The following MCMDC2 variants were observed in gnomAD, a reference collection of about 807,000 sequenced individuals.
The protein encoded by MCMDC2 is minichromosome maintenance domain containing 2.
A neutral mutation model predicts 75.8 loss-of-function variants in MCMDC2; 54 were observed. The observed-to-expected ratio is 0.71, with a 90% CI of 0.57 to 0.89. MCMDC2 has a LOEUF of 0.89. Among genes scored for constraint, MCMDC2 ranks in the 40% least tolerant of loss-of-function variants. The probability of loss-of-function intolerance (pLI) is 0.00; values close to 1 mark genes in which losing one functional copy is unlikely to be tolerated. For missense variants in MCMDC2, 656 were observed against 780.4 expected (o/e 0.84, Z 1.90); for synonymous variants, 249 against 274.6 (o/e 0.91, Z 0.92).
chr8:66,908,038 T>C (rs1223301084), intron 14 of MCMDC2, among the ~76,000 whole-genome samples: 1 of 152,222 alleles, frequency 6.6e-6, no homozygotes, highest in East Asian at 1.9e-4. Context: ...ACTCTGATGA[T>C]AGTTTCTTTT....
chr8:66,881,633 G>A (rs1811567097), intron 8 of MCMDC2, among the ~76,000 whole-genome samples: 1 of 152,042 alleles, frequency 6.6e-6, no homozygotes, highest in East Asian at 1.9e-4. Context: ...TTGCAGTGAG[G>A]CAATATTGTA....
chr8:66,908,458 G>T (rs1211429853), intron 14 of MCMDC2, among the ~76,000 whole-genome samples: 2 of 152,110 alleles, frequency 1.3e-5, no homozygotes, highest in Non-Finnish European at 2.9e-5. Context: ...TTTATGTGCT[G>T]TAAAGAAAAA....
intron 1 of MCMDC2, among the ~76,000 whole-genome samples, chr8:66,873,343 A>G (rs1487731443): frequency 6.6e-6 from 1 of 152,228 alleles, no homozygotes; most frequent in Admixed American, 6.5e-5. Context: ...CAACCAGGAA[A>G]TGCTGGGTCT....
intron 14 of MCMDC2, among the ~76,000 whole-genome samples, chr8:66,918,209 C>CG (rs1813392204): frequency 6.6e-6 from 1 of 152,120 alleles, no homozygotes; most frequent in East Asian, 1.9e-4. Context: ...TTTAGAGAAA[C>CG]GATATTAGTT....
intron 12 of MCMDC2, among the ~76,000 whole-genome samples, chr8:66,898,082 A>G (rs935354982): frequency 6.6e-6 from 1 of 152,090 alleles, no homozygotes; most frequent in African/African-American, 2.4e-5. Flanking sequence ...TTATAATATA[A>G]TAAGGTTTTG....
chr8:66,896,046 A>T, intron 10 of MCMDC2, 124 bp from the exon 11 acceptor site: 1 of 818,528 alleles, frequency 1.2e-6, no homozygotes, highest in Non-Finnish European at 1.8e-6. Context: ...AAACAGTCAA[A>T]TTTACTTTCT....
intron 4 of MCMDC2, among the ~76,000 whole-genome samples, chr8:66,877,029 G>A (rs922102868): frequency 1.3e-5 from 2 of 152,034 alleles, no homozygotes; most frequent in African/African-American, 4.8e-5. Context: ...CAAAGTGCTG[G>A]GATTACAGGG....
At chr8:66,914,684 A>T (rs1388474055) in intron 14 of MCMDC2, among the ~76,000 whole-genome samples, 2 of 152,210 alleles carry the variant, frequency 1.3e-5, no homozygotes, top group Non-Finnish European at 2.9e-5. Flanking sequence ...CCATGTTTGG[A>T]GTTGATATGG....
In MCMDC2 at chr8:66,896,845, A is replaced by G. The variant is rs1425795551; in HGVS notation, c.1512A>G (p.Ser504=). 1 of 1,613,298 alleles carries G rather than the reference A, an allele frequency of 6.2e-7. No individual in the cohort carries two copies. The highest frequency in any genetic ancestry group is 8.5e-7 in the Non-Finnish European group (1 of 1,179,688). The change falls in exon 12 of 15, where the codon TCA becomes TCG. Residue 504 remains serine (S), a synonymous_variant. Transcript: ENST00000422365. ...AFGLLINCNE[S]SPCHPFLPTV... Reference sequence around the variant, plus strand: ...GTTTATTGATTAACTGCAACGAGTCATCTCCCTGCCACCCATTTCTTCCTA... The same window carrying G: ...GTTTATTGATTAACTGCAACGAGTCGTCTCCCTGCCACCCATTTCTTCCTA...
chr8:66,911,590 G>C (rs923481539), intron 14 of MCMDC2, among the ~76,000 whole-genome samples: 2 of 150,824 alleles, frequency 1.3e-5, no homozygotes, highest in African/African-American at 5.0e-5. Context: ...TTGGGGGTCC[G>C]AGGCAGGCAG....
chr8:66,904,506 C>T (rs558795678), intron 13 of MCMDC2, among the ~76,000 whole-genome samples: 1 of 152,200 alleles, frequency 6.6e-6, no homozygotes, highest in South Asian at 2.1e-4. Flanking sequence ...CTTTACTTAT[C>T]TGCCTTTTAC....
chr8:66,914,491 T>A (rs1339285359), intron 14 of MCMDC2, among the ~76,000 whole-genome samples: 1 of 152,108 alleles, frequency 6.6e-6, no homozygotes, highest in East Asian at 1.9e-4. Flanking sequence ...GAACCACATA[T>A]GCAGGTGTTT....
intron 14 of MCMDC2, among the ~76,000 whole-genome samples, chr8:66,913,379 A>G (rs1362732649): frequency 1.3e-5 from 2 of 152,212 alleles, no homozygotes; most frequent in African/African-American, 2.4e-5. Flanking sequence ...TGAACCTGCA[A>G]TATCTCTGAG....
At chr8:66,876,043 C>T (rs947687765) in intron 4 of MCMDC2, among the ~76,000 whole-genome samples, 8 of 152,152 alleles carry the variant, frequency 5.3e-5, no homozygotes, top group Non-Finnish European at 1.2e-4. Flanking sequence ...TATTGTTGCA[C>T]TTTTAACAGT....
At chr8:66,905,458 T>C (rs1812869027) in intron 14 of MCMDC2, 123 bp downstream of exon 14, 2 of 912,518 alleles carry the variant, frequency 2.2e-6, no homozygotes, top group Non-Finnish European at 2.9e-6. Flanking sequence ...ATAACAAATC[T>C]CTACCAGGTA....
At chr8:66,898,494 C>T (rs1812465992) in intron 12 of MCMDC2, among the ~76,000 whole-genome samples, 1 of 151,814 alleles carries the variant, frequency 6.6e-6, no homozygotes, top group Admixed American at 6.6e-5. Flanking sequence ...CATGGTGGCG[C>T]ATGCCTGTAA....
intron 14 of MCMDC2, among the ~76,000 whole-genome samples, chr8:66,906,956 TG>T (rs1240570338): frequency 6.6e-6 from 1 of 151,966 alleles, no homozygotes; most frequent in East Asian, 1.9e-4. Context: ...TTAATAGAGA[TG>T]GGGTTTCTCC....
intron 12 of MCMDC2, among the ~76,000 whole-genome samples, chr8:66,899,869 C>T (rs1812558765): frequency 6.6e-6 from 1 of 151,948 alleles, no homozygotes. Flanking sequence ...CGCCTGTAAT[C>T]CCAGCACTCT....
downstream of MCMDC2, chr8:66,925,633 G>C (rs956662982): frequency 3.9e-5 from 6 of 152,470 alleles, no homozygotes; most frequent in Admixed American, 2.0e-4. Context: ...GCGAAGGGGG[G>C]CTGAGTGCAC....
Sources: gnomAD v4.1 joint callset for allele counts (sites outside exome capture counted in the v4.1 genomes callset) on GRCh38, gnomAD v4.1.1 for gene constraint, MANE v1.5 for transcripts, NCBI Gene and HGNC (gene_info 2026-07-23, HGNC 2026-07-21) for gene names.